SNTB1: variants seen among roughly 807,000 people sequenced by gnomAD.
SNTB1 encodes the protein syntrophin beta 1.
A neutral mutation model predicts 48.9 loss-of-function variants in SNTB1; 36 were observed. The observed-to-expected ratio is 0.74, with a 90% confidence interval of 0.56 to 0.97. SNTB1 has a LOEUF of 0.97. Ranked by LOEUF, SNTB1 falls within the 50% of genes least tolerant of loss-of-function variation. The pLI, the probability that SNTB1 is intolerant of heterozygous loss-of-function variation, is 0.00. For synonymous variants in SNTB1, 299 were observed against 294.6 expected, an observed-to-expected ratio of 1.01 and a Z score of -0.15; for missense variants, 786 against 703.4, an observed-to-expected ratio of 1.12 and a Z score of -1.33.
intron 3 of SNTB1, among the ~76,000 whole-genome samples, chr8:120,583,347 A>C (rs1206295972): frequency 6.6e-6 from 1 of 152,024 alleles, no homozygotes; most frequent in East Asian, 1.9e-4. Flanking sequence ...TTTAACTAAA[A>C]ATACAAAAAT....
chr8:120,759,214 T>G (rs1231319657), intron 1 of SNTB1, among the ~76,000 whole-genome samples: 2 of 152,234 alleles, frequency 1.3e-5, no homozygotes, highest in African/African-American at 4.8e-5. Flanking sequence ...ATACATGTAT[T>G]ATAGGACATA....
chr8:120,809,055 T>C (rs1055424842), intron 1 of SNTB1, among the ~76,000 whole-genome samples: 3 of 152,194 alleles, frequency 2.0e-5, no homozygotes, highest in African/African-American at 4.8e-5. Flanking sequence ...GTATGTCTTC[T>C]TAAAAAGCCC....
chr8:120,558,173 GA>G (rs1446564313), intron 4 of SNTB1, among the ~76,000 whole-genome samples: 1 of 152,126 alleles, frequency 6.6e-6, no homozygotes, highest in Non-Finnish European at 1.5e-5. Context: ...GTCTCAGGGG[GA>G]CTCTGAAATT....
intron 2 of SNTB1, among the ~76,000 whole-genome samples, chr8:120,692,863 G>A (rs1036576799): frequency 3.3e-5 from 5 of 152,150 alleles, no homozygotes; most frequent in Non-Finnish European, 7.4e-5. Context: ...AGGTTTTCCT[G>A]TACTGAGCAC....
chr8:120,540,246 C>G (rs549895198), intron 6 of SNTB1, among the ~76,000 whole-genome samples: 1 of 152,274 alleles, frequency 6.6e-6, no homozygotes, highest in African/African-American at 2.4e-5. Context: ...TCCCTTCCCC[C>G]TCCACACTGG....
intron 1 of SNTB1, among the ~76,000 whole-genome samples, chr8:120,766,730 A>G (rs1416407931): frequency 6.6e-6 from 1 of 152,194 alleles, no homozygotes; most frequent in African/African-American, 2.4e-5. Context: ...TCATTAGGTA[A>G]TGAATGCAAA....
chr8:120,642,418 T>C (rs1353182201), intron 2 of SNTB1, among the ~76,000 whole-genome samples: 7 of 152,210 alleles, frequency 4.6e-5, no homozygotes, highest in African/African-American at 1.7e-4. Context: ...CTCCAGAGAT[T>C]GAAGCCTGGG....
intron 1 of SNTB1, among the ~76,000 whole-genome samples, chr8:120,755,460 C>T (rs750961286): frequency 3.3e-5 from 5 of 151,930 alleles, no homozygotes; most frequent in Non-Finnish European, 7.4e-5. Flanking sequence ...GGATGCTTAG[C>T]TCTGGAGGTT....
intron 2 of SNTB1, among the ~76,000 whole-genome samples, chr8:120,643,668 A>G (rs1040368216): frequency 5.3e-5 from 8 of 152,110 alleles, no homozygotes; most frequent in African/African-American, 1.9e-4. Flanking sequence ...TCATTGGTTG[A>G]TGGGCATTTA....
chr8:120,635,651 T>G, intron 2 of SNTB1: 1 of 177,152 alleles, frequency 5.6e-6, no homozygotes, highest in Non-Finnish European at 1.3e-5. Context: ...TCATCTTCAT[T>G]TCTGATTCTG....
chr8:120,730,529 A>G (rs556963386), intron 1 of SNTB1, among the ~76,000 whole-genome samples: 2 of 152,210 alleles, frequency 1.3e-5, no homozygotes, highest in Admixed American at 1.3e-4. Flanking sequence ...TAAGCTTAAA[A>G]CATACCTCAA....
intron 2 of SNTB1, among the ~76,000 whole-genome samples, chr8:120,693,057 G>A (rs986182292): frequency 6.6e-6 from 1 of 152,108 alleles, no homozygotes; most frequent in African/African-American, 2.4e-5. Context: ...AGGGGGTGCC[G>A]ACAAGTTACA....
chr8:120,611,674 T>C (rs1816625441), intron 3 of SNTB1, among the ~76,000 whole-genome samples: 2 of 151,658 alleles, frequency 1.3e-5, no homozygotes, highest in South Asian at 2.1e-4. Flanking sequence ...TAGAAAAAAT[T>C]AGCCGGGCGT....
chr8:120,798,652 C>T (rs915594917), intron 1 of SNTB1, among the ~76,000 whole-genome samples: 2 of 152,044 alleles, frequency 1.3e-5, no homozygotes, highest in Non-Finnish European at 2.9e-5. Context: ...TTCACAAACA[C>T]TCTGCTAGCC....
chr8:120,592,742 T>C (rs1447520910), intron 3 of SNTB1, among the ~76,000 whole-genome samples: 2 of 152,098 alleles, frequency 1.3e-5, no homozygotes, highest in Non-Finnish European at 2.9e-5. Context: ...GTGGTAACTG[T>C]TGGTATTCAT....
intron 2 of SNTB1, among the ~76,000 whole-genome samples, chr8:120,633,316 A>G (rs925020977): frequency 6.6e-6 from 1 of 152,206 alleles, no homozygotes; most frequent in Non-Finnish European, 1.5e-5. Flanking sequence ...TATTCTATTT[A>G]AAGTCCAGGC....
chr8:120,722,920 T>C (rs1341936498), intron 1 of SNTB1, among the ~76,000 whole-genome samples: 1 of 152,222 alleles, frequency 6.6e-6, no homozygotes, highest in Non-Finnish European at 1.5e-5. Flanking sequence ...AATTTTTGTA[T>C]AAGGTGTAAG....
At chr8:120,629,246 G>A (rs1313542461) in intron 3 of SNTB1, among the ~76,000 whole-genome samples, 1 of 152,138 alleles carries the variant, frequency 6.6e-6, no homozygotes, top group African/African-American at 2.4e-5. Flanking sequence ...GAAAAATAAT[G>A]TTAATATTAA....
At chr8:120,547,056 C>T (rs1204203351) in intron 5 of SNTB1, among the ~76,000 whole-genome samples, 1 of 151,820 alleles carries the variant, frequency 6.6e-6, no homozygotes, top group African/African-American at 2.4e-5. Flanking sequence ...GTTGTGTGAT[C>T]TCGTGCAAGT....
Sources: allele counts gnomAD v4.1 joint callset (sites outside exome capture counted in the v4.1 genomes callset), GRCh38; gene constraint gnomAD v4.1.1; transcripts MANE v1.5; gene names NCBI Gene and HGNC (gene_info 2026-07-23, HGNC 2026-07-21).